Variants in TIMM23 observed in about 807,000 individuals in gnomAD.
TIMM23 encodes translocase of inner mitochondrial membrane 23.
Under a neutral mutation model 30.7 loss-of-function variants are expected in TIMM23, and 19 were observed. The ratio of observed to expected loss-of-function variants is 0.62; its 90% confidence interval spans 0.43 to 0.91. The LOEUF (loss-of-function observed/expected upper bound fraction) is 0.91. TIMM23 is among the 40% of genes least tolerant of loss of function. TIMM23 has a pLI of 0.00. For missense variants in TIMM23, 202 were observed against 269.2 expected (o/e 0.75, Z 1.75); for synonymous variants, 78 against 98.5 (o/e 0.79, Z 1.23).
intron 5 of TIMM23, among the ~76,000 whole-genome samples, chr10:45,986,366 G>A (rs61849537): frequency 2.0e-5 from 3 of 152,008 alleles, no homozygotes; most frequent in Admixed American, 6.6e-5. Flanking sequence ...CCTTGTCTGC[G>A]TAGGACTGTC....
intron 5 of TIMM23, among the ~76,000 whole-genome samples, chr10:45,986,872 A>C (rs1219044229): frequency 6.6e-6 from 1 of 152,088 alleles, no homozygotes; most frequent in African/African-American, 2.4e-5. Context: ...GTAGCATATA[A>C]ATGAAAATTT....
intron 5 of TIMM23, among the ~76,000 whole-genome samples, chr10:45,986,804 CGTGTGTGT>C (rs1161990914): frequency 1.1e-4 from 17 of 149,498 alleles, no homozygotes; most frequent in African/African-American, 3.5e-4. Context: ...ACTAGAAATA[CGTGTGTGT>C]GTGTGTGTGT....
intron 4 of TIMM23, 136 bp downstream of exon 4, chr10:45,983,066 A>G: frequency 7.8e-7 from 1 of 1,287,316 alleles, no homozygotes; most frequent in Non-Finnish European, 1.1e-6. Flanking sequence ...TTTAATCTTA[A>G]TCAAAATAAA....
chr10:45,979,606 C>CCT (rs1491258801), intron 2 of TIMM23, among the ~76,000 whole-genome samples: 1 of 54,378 alleles, frequency 1.8e-5, no homozygotes, highest in Non-Finnish European at 3.2e-5. Flanking sequence ...CATGCCTGGC[C>CCT]TTTTTTTTTT....
At chr10:45,977,074 T>G (rs1231266597) in intron 2 of TIMM23, among the ~76,000 whole-genome samples, 1 of 150,196 alleles carries the variant, frequency 6.7e-6, no homozygotes, top group South Asian at 2.1e-4. Flanking sequence ...GCAAAACATA[T>G]TCTGAAAACT....
intron 5 of TIMM23, among the ~76,000 whole-genome samples, chr10:45,987,792 A>C (rs1838038209): frequency 6.6e-6 from 1 of 151,262 alleles, no homozygotes; most frequent in Admixed American, 6.6e-5. Context: ...TTTTTTTTTA[A>C]ATTTTTTTAG....
chr10:45,991,765 AAAG>A (rs1838169367), intron 6 of TIMM23, among the ~76,000 whole-genome samples: 3 of 151,440 alleles, frequency 2.0e-5, no homozygotes, highest in Non-Finnish European at 4.4e-5. Flanking sequence ...AAAAAAAAGA[AAAG>A]AAAAAAGAAA....
At chr10:45,986,467 C>T (rs1487271192) in intron 5 of TIMM23, among the ~76,000 whole-genome samples, 1 of 150,298 alleles carries the variant, frequency 6.7e-6, no homozygotes, top group African/African-American at 2.5e-5. Context: ...TGGTCACCCT[C>T]TGTGTACCCA....
intron 6 of TIMM23, among the ~76,000 whole-genome samples, chr10:45,991,197 C>T (rs1299184403): frequency 0.042 from 6,339 of 152,190 alleles, 447 homozygotes; most frequent in African/African-American, 0.14. Flanking sequence ...TTATACGATA[C>T]ATATAAGGAA....
chr10:45,980,471 T>C (rs1430451201), intron 2 of TIMM23, among the ~76,000 whole-genome samples: 5 of 151,696 alleles, frequency 3.3e-5, no homozygotes, highest in Admixed American at 6.5e-5. Flanking sequence ...TGTATCCTTA[T>C]TGATTTTTTT....
intron 6 of TIMM23, chr10:45,992,633 T>G: frequency 2.4e-6 from 1 of 416,512 alleles, no homozygotes; most frequent in Non-Finnish European, 4.7e-6. Context: ...TCTTGGCTCA[T>G]TACAACCTCC....
At chr10:45,992,539 A>G (rs1554915973) in intron 6 of TIMM23, 1 of 431,694 alleles carries the variant, frequency 2.3e-6, no homozygotes, top group African/African-American at 2.1e-5. Context: ...GTAGCAATCA[A>G]AATCCAATTA....
chr10:45,982,495 A>C, intron 2 of TIMM23, 28 bp from the exon 3 acceptor site: 1 of 1,611,736 alleles, frequency 6.2e-7, no homozygotes, highest in Non-Finnish European at 8.5e-7. Context: ...AGGGACACTC[A>C]GCTTGGTTTT....
intron 6 of TIMM23, among the ~76,000 whole-genome samples, chr10:45,991,828 T>TTC (rs587692705): frequency 6.6e-6 from 1 of 152,208 alleles, no homozygotes; most frequent in South Asian, 2.1e-4. Context: ...GGTGGTTTCT[T>TTC]TCTGTTTTGT....
At chr10:45,973,345 C>G (rs1564901299) in intron 1 of TIMM23, among the ~76,000 whole-genome samples, 1 of 152,148 alleles carries the variant, frequency 6.6e-6, no homozygotes, top group South Asian at 2.1e-4. Flanking sequence ...GCCTTTGCCT[C>G]TCCTCGGTCT....
In TIMM23 at chr10:45,982,937, C is replaced by G. The variant is rs1837888462; in HGVS notation, c.344+7C>G. 1.2e-6 allele frequency: 2 copies of G among 1,613,808 alleles called. No homozygotes were observed. Among genetic ancestry groups the G allele is most frequent in the Non-Finnish European group, 1.7e-6 (2 of 1,179,848 alleles). On this transcript the variant is annotated splice_region_variant and intron_variant, in intron 4 of 6. Transcript: ENST00000580018. ...CCAAACCAAGAAATGTACAGTAAGT[C>G]TCTTGTAACCATCTGATGTAGTGAT...
At chr10:45,977,577 A>T (rs201237316) in intron 2 of TIMM23, among the ~76,000 whole-genome samples, 1 of 152,260 alleles carries the variant, frequency 6.6e-6, no homozygotes, top group Admixed American at 6.5e-5. Flanking sequence ...AATGTAAACT[A>T]AAGCAGTCAA....
chr10:45,992,552 C>CT (rs1179017617), intron 6 of TIMM23: 13 of 421,916 alleles, frequency 3.1e-5, no homozygotes, highest in African/African-American at 2.5e-4. Context: ...TCCAATTAAG[C>CT]TTTTTTTTCC....
rs2132265400 is a variant in TIMM23 at position 45,988,782 on chromosome 10, G to T, written c.449G>T (p.Gly150Val). The T allele has an allele frequency of 1.2e-6, 2 of 1,613,848 alleles. No homozygotes were observed. Among genetic ancestry groups the T allele is most frequent in the East Asian group, 4.5e-5 (2 of 44,854 alleles). Residue 150 changes from glycine (G) to valine (V), a missense_variant, in exon 6 of 7, where the codon GGT (glycine) becomes GTT (valine). Transcript: ENST00000580018. Reference protein sequence around the residue: ...AFGVIIEKTRGAEDDLNTVAA... With the variant: ...AFGVIIEKTRVAEDDLNTVAA... ...GGTGTCATCATTGAGAAAACACGAG[G>T]TGCAGAAGATGACCTTAACACAGTA...
Sources: allele counts gnomAD v4.1 joint callset (sites outside exome capture counted in the v4.1 genomes callset), GRCh38; gene constraint gnomAD v4.1.1; transcripts MANE v1.5; gene names NCBI Gene and HGNC (gene_info 2026-07-23, HGNC 2026-07-21).